The following PCDH7 variants were observed in gnomAD, a reference collection of about 807,000 sequenced individuals.
PCDH7 encodes the protein protocadherin-7.
Under a neutral mutation model 58.9 loss-of-function variants are expected in PCDH7, and 17 were observed. That is an observed-to-expected ratio of 0.29 (90% CI 0.20 to 0.43). The LOEUF (loss-of-function observed/expected upper bound fraction) is 0.43. PCDH7 is among the 20% of genes least tolerant of loss of function. PCDH7 has a pLI of 1.00. For missense variants in PCDH7, 1,274 were observed against 1,441.0 expected (o/e 0.88, Z 1.88); for synonymous variants, 664 against 616.4 (o/e 1.08, Z -1.14).
intron 3 of PCDH7, among the ~76,000 whole-genome samples, chr4:31,136,926 C>T (rs1719675201): frequency 2.7e-5 from 4 of 150,316 alleles, no homozygotes; most frequent in Admixed American, 2.6e-4. Context: ...TTTTTCTCAG[C>T]CCTATCATAT....
At position 31,015,482 on chromosome 4, in the gene PCDH7, T is replaced by C. The variant is rs368150359; in HGVS notation, c.*7+65267T>C. On this transcript the variant is annotated intron_variant, in intron 3 of 3. Transcript: ENST00000509759. ...ACACTTTGTCCCTATCAATCAAGAA[T>C]TGCCATGAAAATACATATATAAAAA... 1.3e-4 allele frequency among the ~76,000 whole-genome samples: 20 copies of C among 152,268 alleles called. No individual in the cohort carries two copies. The East Asian group carries it at 3.9e-3, about 29-fold the overall frequency.
At chr4:31,145,847 T>G (rs893147273), downstream of PCDH7, 4 of 152,144 alleles carry the variant, frequency 2.6e-5, no homozygotes, top group African/African-American at 9.7e-5. Context: ...TAGAGTTTTA[T>G]TCTTTATTTC....
intron 1 of PCDH7, among the ~76,000 whole-genome samples, chr4:30,772,853 A>T (rs894707373): frequency 6.6e-6 from 1 of 152,186 alleles, no homozygotes; most frequent in Non-Finnish European, 1.5e-5. Context: ...GTTAATCCTA[A>T]CAATTCCTTT....
chr4:31,029,340 G>A (rs1754707538), intron 3 of PCDH7, among the ~76,000 whole-genome samples: 1 of 152,146 alleles, frequency 6.6e-6, no homozygotes, highest in Admixed American at 6.5e-5. Flanking sequence ...AAGATGGTGG[G>A]TCTCAAACAT....
At chr4:30,758,678 A>G (rs911723835) in intron 1 of PCDH7, among the ~76,000 whole-genome samples, 12 of 152,194 alleles carry the variant, frequency 7.9e-5, no homozygotes, top group African/African-American at 2.7e-4. Context: ...ATCGGTGGAC[A>G]GGAAGGGAGA....
In PCDH7 at chr4:30,721,551, C is replaced by A. The variant is rs756627363; in HGVS notation, c.129C>A (p.Pro43=). Reference sequence around the variant, plus strand: ...GGTACCGGCTGGCCGAGGAGGGCCCCGCCGACGTCCGCATCGGCAACGTGG... The same window carrying A: ...GGTACCGGCTGGCCGAGGAGGGCCCAGCCGACGTCCGCATCGGCAACGTGG... The change falls in exon 1 of 2, where the codon CCC becomes CCA. Residue 43 remains proline (P), a synonymous_variant. Coordinates refer to ENST00000361762, the Ensembl canonical transcript of PCDH7. The surrounding 1 kb of genome is among the most constrained non-coding windows in gnomAD (Gnocchi z 6.7). 2 of 1,603,630 alleles carry A rather than the reference C, an allele frequency of 1.2e-6. No homozygotes were observed. The highest frequency in any genetic ancestry group is 8.5e-7 in the Non-Finnish European group (1 of 1,179,810).
At chr4:31,063,956 C>G (rs1049503574) in intron 3 of PCDH7, among the ~76,000 whole-genome samples, 1 of 151,862 alleles carries the variant, frequency 6.6e-6, no homozygotes, top group Non-Finnish European at 1.5e-5. Flanking sequence ...CCAATTCGAT[C>G]TGAAAACTAT....
chr4:31,031,014 A>G (rs1754865177), intron 3 of PCDH7, among the ~76,000 whole-genome samples: 1 of 152,172 alleles, frequency 6.6e-6, no homozygotes, highest in South Asian at 2.1e-4. Context: ...CTTTCTAGTG[A>G]TGTAGGTAAG....
chr4:30,721,453 C>A lies in PCDH7; in HGVS notation c.31C>A (p.Arg11Ser). 3 of 1,545,276 alleles carry A rather than the reference C, an allele frequency of 1.9e-6. No individual in the cohort carries two copies. Among genetic ancestry groups the A allele is most frequent in the Non-Finnish European group, 2.6e-6 (3 of 1,150,160 alleles). The change falls in exon 1 of 2, where the codon CGC (arginine) becomes AGC (serine). Residue 11 changes from arginine (R) to serine (S), a missense_variant. Arg to Ser is a moderately radical substitution (Grantham distance 110). Around this residue, in one of 3 missense-constraint regions of PCDH7, gnomAD observed 212 missense variants for 255.8 expected, o/e 0.83. Transcript: ENST00000361762. This position sits in a 1 kb window ranked among gnomAD's most constrained non-coding sequence, Gnocchi z 6.7. ...GAGGATGCGGACCGCGGGATGGGCGCGCGGCTGGTGCTTGGGCTGCTGCCT... is the reference window on the plus strand; with the variant it reads ...GAGGATGCGGACCGCGGGATGGGCGAGCGGCTGGTGCTTGGGCTGCTGCCT...
intron 3 of PCDH7, among the ~76,000 whole-genome samples, chr4:31,021,917 A>C (rs1360867462): frequency 6.6e-6 from 1 of 152,166 alleles, no homozygotes; most frequent in Non-Finnish European, 1.5e-5. Context: ...ACAAAACAGC[A>C]ACGTTCATCT....
chr4:30,986,462 T>G (rs1284975067), intron 3 of PCDH7, among the ~76,000 whole-genome samples: 1 of 152,068 alleles, frequency 6.6e-6, no homozygotes, highest in Non-Finnish European at 1.5e-5. Flanking sequence ...TACATAAGCA[T>G]AAAATGATTC....
intron 1 of PCDH7, among the ~76,000 whole-genome samples, chr4:30,794,605 G>A (rs1359037822): frequency 7.0e-6 from 1 of 143,320 alleles, no homozygotes; most frequent in East Asian, 1.9e-4. Context: ...TAAGAAGGGA[G>A]ACATTTAAGT....
At chr4:31,001,744 A>G (rs934994366) in intron 3 of PCDH7, among the ~76,000 whole-genome samples, 1 of 152,196 alleles carries the variant, frequency 6.6e-6, no homozygotes, top group Non-Finnish European at 1.5e-5. Flanking sequence ...GCTGTTTGGA[A>G]CAGTTCCTTT....
intron 3 of PCDH7, among the ~76,000 whole-genome samples, chr4:31,052,408 A>G (rs2109222806): frequency 6.6e-6 from 1 of 152,292 alleles, no homozygotes; most frequent in Non-Finnish European, 1.5e-5. Flanking sequence ...AGATTCTTGG[A>G]GTTTACAATT....
intron 3 of PCDH7, among the ~76,000 whole-genome samples, chr4:30,994,842 A>T (rs1578513491): frequency 6.6e-6 from 1 of 152,154 alleles, no homozygotes; most frequent in African/African-American, 2.4e-5. Flanking sequence ...TAGCTAAAAT[A>T]TCTCTATATA....
chr4:30,989,072 A>G (rs1252026584), intron 3 of PCDH7, among the ~76,000 whole-genome samples: 1 of 152,180 alleles, frequency 6.6e-6, no homozygotes, highest in East Asian at 1.9e-4. Flanking sequence ...TATTTTTAGC[A>G]TTAAAAATGT....
intron 1 of PCDH7, among the ~76,000 whole-genome samples, chr4:30,808,706 A>G (rs1417570243): frequency 6.6e-6 from 1 of 152,208 alleles, no homozygotes; most frequent in Non-Finnish European, 1.5e-5. Context: ...AATATTTTGT[A>G]TGCTCTAGAG....
At chr4:31,082,778 G>A (rs1431202836) in intron 3 of PCDH7, among the ~76,000 whole-genome samples, 1 of 151,834 alleles carries the variant, frequency 6.6e-6, no homozygotes, top group Non-Finnish European at 1.5e-5. Flanking sequence ...ACTCAGAAGA[G>A]GGAGGGTGGG....
intron 3 of PCDH7, among the ~76,000 whole-genome samples, chr4:30,994,086 A>G (rs1751684715): frequency 7.2e-6 from 1 of 139,616 alleles, no homozygotes; most frequent in Non-Finnish European, 1.6e-5. Flanking sequence ...TGGTGTGGGC[A>G]TCCTACTAAC....
Sources: gnomAD v4.1 joint callset for allele counts (sites outside exome capture counted in the v4.1 genomes callset) on GRCh38, gnomAD v4.1.1 for gene constraint, gnomAD v4.1.1 regional missense constraint, Gnocchi (gnomAD v3.1) non-coding constraint, MANE v1.5 for transcripts, NCBI Gene and HGNC (gene_info 2026-07-23, HGNC 2026-07-21) for gene names.